The following ZNF615 variants were observed in gnomAD, a reference collection of about 807,000 sequenced individuals.
ZNF615 encodes zinc finger protein 615.
In ZNF615, 15 loss-of-function variants were observed where a neutral mutation model predicts 15.3. The ratio of observed to expected loss-of-function variants is 0.98; its 90% confidence interval spans 0.66 to 1.51. ZNF615 has a LOEUF of 1.51. Ranked by LOEUF, ZNF615 falls within the 40% of genes most tolerant of loss-of-function variation. ZNF615 has a pLI of 0.00. For missense variants in ZNF615, 848 were observed against 895.9 expected (o/e 0.95, Z 0.68); for synonymous variants, 268 against 294.6 (o/e 0.91, Z 0.92).
chr19:52,001,391 G>A (rs2123057695), intron 5 of ZNF615, among the ~76,000 whole-genome samples: 1 of 152,164 alleles, frequency 6.6e-6, no homozygotes, highest in Non-Finnish European at 1.5e-5. Context: ...AGGCCAAGGT[G>A]GGCAGATCAC....
At position 51,993,061 on chromosome 19, in the gene ZNF615, C is replaced by A. The variant is rs200056760; in HGVS notation, c.2048G>T (p.Arg683Ile). ...GTACGGTTTCTCTCCTGTGTGAATT[C>A]TCTGATGTGTAATAAGATCATTTTT... The part of the protein sequence containing the change: ...LRKNDLITHQ[R>I]IHTGEKPYKC... The change falls in exon 7 of 7, where the codon AGA (arginine) becomes ATA (isoleucine). Residue 683 changes from arginine (R) to isoleucine (I), a missense_variant. Physicochemically the swap from Arg to Ile is moderately conservative, Grantham distance 97 (BLOSUM62 -3). Coordinates refer to ENST00000598071, the MANE Select transcript of ZNF615 (RefSeq NM_001199324.2). 1 of 1,614,220 alleles carries A rather than the reference C, an allele frequency of 6.2e-7. No homozygotes were observed. The highest frequency in any genetic ancestry group is 8.5e-7 in the Non-Finnish European group (1 of 1,180,040).
rs1470985687 is a variant in ZNF615, at chr19:52,007,293, C to A, written c.-190G>T. ...GTTATCTTTGAGTAACCGAGCTTAC[C>A]ATGGCAGAGATGTTATCTTACTTGT... On this transcript the variant is annotated splice_region_variant and 5_prime_UTR_variant, in exon 2 of 7. It removes an upstream start codon present in the reference 5' UTR. Transcript: ENST00000598071. 12 of 1,288,546 alleles carry A rather than the reference C, an allele frequency of 9.3e-6. No homozygotes were observed. The Admixed American group carries it at 2.8e-4, about 30-fold the overall frequency. The allele number at this position is 1,288,546 out of a possible 1,614,324, so 79.8% of individuals were successfully genotyped here.
chr19:51,999,937 C>T (rs1287399524), intron 6 of ZNF615, among the ~76,000 whole-genome samples: 2 of 152,134 alleles, frequency 1.3e-5, no homozygotes, highest in Admixed American at 6.5e-5. Flanking sequence ...ACAGGACAGC[C>T]TGCAGCACGA....
intron 3 of ZNF615, chr19:52,002,550 A>G (rs2086630915): frequency 1.9e-6 from 1 of 525,398 alleles, no homozygotes; most frequent in African/African-American, 1.9e-5. Context: ...AACATGTAGC[A>G]TCTATTTCCC....
intron 6 of ZNF615, among the ~76,000 whole-genome samples, chr19:51,995,747 T>G (rs1324983483): frequency 6.6e-6 from 1 of 151,252 alleles, no homozygotes; most frequent in Non-Finnish European, 1.5e-5. Flanking sequence ...ATTTTTTGTA[T>G]TTTTGGTAGA....
At chr19:52,003,606 T>G in intron 3 of ZNF615, 91 bp downstream of exon 3, 1 of 1,255,908 alleles carries the variant, frequency 8.0e-7, no homozygotes, top group Non-Finnish European at 1.1e-6. Context: ...TATTTCCAAT[T>G]TATACTTTTC....
intron 5 of ZNF615, among the ~76,000 whole-genome samples, chr19:52,000,731 T>C (rs1184312675): frequency 2.0e-5 from 3 of 152,088 alleles, no homozygotes; most frequent in Non-Finnish European, 4.4e-5. Context: ...GGCTGACAGA[T>C]TACTTGAGCC....
Position 51,993,950 on chromosome 19 carries a change from T to C in ZNF615, c.1159A>G (p.Lys387Glu), listed in dbSNP as rs868432464. 2 of 1,613,836 alleles carry C rather than the reference T, an allele frequency of 1.2e-6. No individual in the cohort carries two copies. The highest frequency in any genetic ancestry group is 3.3e-5 in the Admixed American group (2 of 60,004). Residue 387 changes from lysine to glutamate, a missense_variant, in exon 7 of 7, where the codon AAA (lysine) becomes GAA (glutamate). Transcript: ENST00000598071. Reference sequence around the variant, plus strand: ...TTCAAGGTGAAGCCTTTCCCACATTTATTGCATATAAAGGGTTTCTCACCA... The same window carrying C: ...TTCAAGGTGAAGCCTTTCCCACATTCATTGCATATAAAGGGTTTCTCACCA... ...HTGEKPFICN[K>E]CGKGFTLKNS...
At chr19:52,005,800 C>CCA (rs2086736900) in intron 2 of ZNF615, among the ~76,000 whole-genome samples, 1 of 152,152 alleles carries the variant, frequency 6.6e-6, no homozygotes, top group Admixed American at 6.5e-5. Context: ...TCTAGAATGT[C>CCA]ACTCAGTAGA....
chr19:51,994,761 A>G lies in ZNF615; in HGVS notation c.348T>C (p.His116=), dbSNP rs987897229. 17 of 1,613,640 alleles carry G rather than the reference A, an allele frequency of 1.1e-5. No homozygotes were observed. The highest frequency in any genetic ancestry group is 1.4e-5 in the Non-Finnish European group (17 of 1,179,944). Residue 116 remains histidine, a synonymous_variant, in exon 7 of 7, where the codon CAT becomes CAC. Coordinates refer to ENST00000598071, the MANE Select transcript of ZNF615 (RefSeq NM_001199324.2). ...CAATATTTCCAAACATATTCTGTTC[A>G]TGGCACTGTTTCACACTCTTCTGAA... ...QSIQKSVKQC[H]EQNMFGNIVN... is the part of the protein sequence containing the mutation.
Position 51,994,792 on chromosome 19 carries a change from T to C in ZNF615, c.317A>G (p.Gln106Arg), listed in dbSNP as rs2123017074. The C allele has an allele frequency of 1.9e-6, 3 of 1,602,066 alleles. No homozygotes were observed. Among genetic ancestry groups the C allele is most frequent in the Non-Finnish European group, 2.6e-6 (3 of 1,175,400 alleles). ...CTGTTTCACACTCTTCTGAATACTT[T>C]GATTTTGCAAGTGATGCTGCAGAGG... ...DDPLQHHLQNQSIQKSVKQCH... is the reference protein window; with the variant it reads ...DDPLQHHLQNRSIQKSVKQCH... Residue 106 changes from glutamine (Q) to arginine (R), a missense_variant, in exon 7 of 7, where the codon CAA becomes CGA. Gln to Arg is a conservative substitution (Grantham distance 43, BLOSUM62 1). Coordinates refer to ENST00000598071, the MANE Select transcript of ZNF615 (RefSeq NM_001199324.2).
Position 52,000,953 on chromosome 19 carries a change from A to G in ZNF615, c.239-575T>C, listed in dbSNP as rs574583388. ...AAAAAAAAAAAGTATGGAGAAACTC[A>G]GGATTCAGTATAAGAGGAATAAGAG... On this transcript the variant is annotated intron_variant, in intron 5 of 6. Coordinates refer to ENST00000598071, the MANE Select transcript of ZNF615 (RefSeq NM_001199324.2). 7.2e-4 allele frequency among the ~76,000 whole-genome samples: 110 copies of G among 152,234 alleles called. 1 individual carries two copies. In the South Asian group the frequency reaches 8.5e-3, roughly 12 times the overall value.
chr19:51,996,407 A>AAAAC (rs755143397), intron 6 of ZNF615, among the ~76,000 whole-genome samples: 93 of 138,356 alleles, frequency 6.7e-4, no homozygotes, highest in South Asian at 2.2e-3. Flanking sequence ...AAAAAAAAAA[A>AAAAC]ACGCAAAACT....
Position 52,008,172 on chromosome 19 carries a change from T to C in ZNF615, c.-259A>G. 4 of 1,535,442 alleles carry C rather than the reference T, an allele frequency of 2.6e-6. No individual in the cohort carries two copies. The highest frequency in any genetic ancestry group is 3.5e-6 in the Non-Finnish European group (4 of 1,146,754). ...GAACTTGGTGGGCTCCGGCCTCATC[T>C]CTCGGCCTCCTCAGTGCCTGACGGC... On this transcript the variant is annotated 5_prime_UTR_variant, in exon 1 of 7. Coordinates refer to ENST00000598071, the MANE Select transcript of ZNF615 (RefSeq NM_001199324.2).
rs369186155 is a variant in ZNF615 at position 52,003,815 on chromosome 19, G to C, written c.-104C>G. 7.6e-5 allele frequency: 120 copies of C among 1,571,578 alleles called. No homozygotes were observed. The South Asian group carries it at 1.4e-3, about 18-fold the overall frequency. ...TCAAAAACTTCAATCTCCAATCAAG[G>C]ATGTCCCCAGAAATGATGACACCCA... On this transcript the variant is annotated 5_prime_UTR_variant, in exon 3 of 7. In the 5' UTR this introduces an upstream ATG that the reference lacks. Coordinates refer to ENST00000598071, the MANE Select transcript of ZNF615 (RefSeq NM_001199324.2).
intron 6 of ZNF615, among the ~76,000 whole-genome samples, chr19:51,996,402 A>AAAAAAAAAAAAC (rs1555771241): frequency 3.3e-4 from 44 of 134,360 alleles, no homozygotes; most frequent in African/African-American, 1.1e-3. Context: ...AAAAAAAAAA[A>AAAAAAAAAAAAC]AAAAAACGCA....
Position 51,993,395 on chromosome 19 carries a change from T to C in ZNF615, c.1714A>G (p.Thr572Ala). ...EKSHLNVHRR[T>A]HTGEKPYVCS... ...ACATAGGGTTTCTCTCCTGTATGAG[T>C]GCGCCGATGTACATTGAGATGACTC... The change falls in exon 7 of 7, where the codon ACT becomes GCT. Residue 572 changes from threonine to alanine, a missense_variant. Thr to Ala is a moderately conservative substitution (Grantham distance 58). Transcript: ENST00000598071. 1 of 1,614,146 alleles carries C rather than the reference T, an allele frequency of 6.2e-7. No individual in the cohort carries two copies. Among genetic ancestry groups the C allele is most frequent in the Non-Finnish European group, 8.5e-7 (1 of 1,180,014 alleles).
rs1470913409 is a variant in ZNF615 at position 52,000,385 on chromosome 19, T to G, written c.239-7A>C. On this transcript the variant is annotated splice_polypyrimidine_tract_variant and splice_region_variant and intron_variant, in intron 5 of 6. Transcript: ENST00000598071. ...CCTGATGCACCTCCTGAATCTAAAATAAAAACATAAAAGATAAAATAAAAT... is the reference window on the plus strand; with the variant it reads ...CCTGATGCACCTCCTGAATCTAAAAGAAAAACATAAAAGATAAAATAAAAT... The G allele has an allele frequency of 3.2e-6, 2 of 625,788 alleles. No individual in the cohort carries two copies. Among genetic ancestry groups the G allele is most frequent in the Non-Finnish European group, 5.8e-6 (2 of 343,338 alleles). 38.8% of individuals were successfully genotyped at this position (625,788 alleles called of 1,614,324 possible). A position where few individuals can be genotyped will look rare whatever the true frequency, so the allele number is the denominator to read the frequency against.
chr19:51,996,385 C>CAAAAAAAA (rs1172310589), intron 6 of ZNF615, among the ~76,000 whole-genome samples: 72 of 33,222 alleles, frequency 2.2e-3, no homozygotes, highest in Non-Finnish European at 2.5e-3. Context: ...GACTCTGTCT[C>CAAAAAAAA]AAAAAAAAAA....
Sources: gnomAD v4.1 joint callset for allele counts (sites outside exome capture counted in the v4.1 genomes callset) on GRCh38, gnomAD v4.1.1 for gene constraint, MANE v1.5 for transcripts, NCBI Gene and HGNC (gene_info 2026-07-23, HGNC 2026-07-21) for gene names.